HCRTR2: variants seen among roughly 807,000 people sequenced by gnomAD.
HCRTR2 encodes orexin receptor type 2.
HCRTR2 carries 22 observed loss-of-function variants against 49.0 expected under a neutral mutation model. The ratio of observed to expected loss-of-function variants is 0.45; its 90% CI spans 0.32 to 0.64. The LOEUF (loss-of-function observed/expected upper bound fraction) is 0.64, where lower values mean the gene tolerates loss of function less well. Ranked by LOEUF, HCRTR2 falls within the 30% of genes least tolerant of loss-of-function variation. The pLI, the probability that HCRTR2 is intolerant of heterozygous loss-of-function variation, is 0.04. For synonymous variants in HCRTR2, 236 were observed against 205.3 expected (o/e 1.15, Z -1.28); for missense variants, 491 against 559.4 (o/e 0.88, Z 1.23).
chr6:55,281,587 G>A (rs3800543), intron 6 of HCRTR2, among the ~76,000 whole-genome samples: 31,475 of 152,096 alleles, frequency 0.21, 3,760 homozygotes, highest in East Asian at 0.28. Flanking sequence ...GAAATGATTC[G>A]CAATACTGCC....
intron 1 of HCRTR2, among the ~76,000 whole-genome samples, chr6:55,247,361 C>A (rs925412709): frequency 6.6e-6 from 1 of 152,056 alleles, no homozygotes; most frequent in Non-Finnish European, 1.5e-5. Context: ...AGCTGACAGC[C>A]AATTTCAGCT....
intron 1 of HCRTR2, among the ~76,000 whole-genome samples, chr6:55,114,083 C>T (rs1273351464): frequency 2.0e-5 from 3 of 151,210 alleles, no homozygotes; most frequent in African/African-American, 7.3e-5. Flanking sequence ...AGTGAAAATG[C>T]AAAGGCATAA....
intron 1 of HCRTR2, among the ~76,000 whole-genome samples, chr6:55,155,457 A>G (rs1400855711): frequency 6.6e-6 from 1 of 152,020 alleles, no homozygotes; most frequent in Non-Finnish European, 1.5e-5. Flanking sequence ...AAGCCAACGG[A>G]GTCTAAATCA....
intron 1 of HCRTR2, among the ~76,000 whole-genome samples, chr6:55,107,006 TGTAAGTGA>T (rs1300509725): frequency 6.6e-6 from 1 of 152,166 alleles, no homozygotes; most frequent in Non-Finnish European, 1.5e-5. Flanking sequence ...CCAAGGTGAT[TGTAAGTGA>T]TTGCTATGAC....
intron 1 of HCRTR2, among the ~76,000 whole-genome samples, chr6:55,160,547 G>C (rs1764791370): frequency 1.3e-5 from 2 of 152,156 alleles, no homozygotes; most frequent in South Asian, 4.1e-4. Flanking sequence ...TGGCAAATTG[G>C]ATAGAGAGTC....
At chr6:55,260,454 G>A (rs1766733400) in intron 3 of HCRTR2, among the ~76,000 whole-genome samples, 1 of 152,140 alleles carries the variant, frequency 6.6e-6, no homozygotes, top group African/African-American at 2.4e-5. Flanking sequence ...ATGCTTGAAT[G>A]TTATCACTTT....
At chr6:55,201,734 A>G (rs1765516883) in intron 1 of HCRTR2, among the ~76,000 whole-genome samples, 1 of 152,162 alleles carries the variant, frequency 6.6e-6, no homozygotes, top group Non-Finnish European at 1.5e-5. Flanking sequence ...TATGACTGAT[A>G]CTCAACCTCT....
At chr6:55,127,848 A>C (rs1039450281) in intron 1 of HCRTR2, among the ~76,000 whole-genome samples, 3 of 152,116 alleles carry the variant, frequency 2.0e-5, no homozygotes, top group African/African-American at 7.2e-5. Flanking sequence ...ATAGTTTGTA[A>C]AATTTTTCTC....
intron 4 of HCRTR2, among the ~76,000 whole-genome samples, chr6:55,275,773 G>A (rs1767066306): frequency 6.6e-6 from 1 of 151,952 alleles, no homozygotes; most frequent in Non-Finnish European, 1.5e-5. Context: ...ACCACGCCCA[G>A]CTAATTTTGT....
At chr6:55,126,872 A>G (rs886715679) in intron 1 of HCRTR2, among the ~76,000 whole-genome samples, 4 of 152,088 alleles carry the variant, frequency 2.6e-5, no homozygotes, top group African/African-American at 9.7e-5. Context: ...CTGTGAGTGT[A>G]AAACTGCCTA....
In HCRTR2 at chr6:55,150,595, C is replaced by T. The variant is rs115556472; in HGVS notation, c.-377-23616C>T. Among the ~76,000 whole-genome samples the T allele has an allele frequency of 2.3e-3, 348 of 151,994 alleles. 3 individuals carry two copies. The highest frequency in any genetic ancestry group is 8.1e-3 in the African/African-American group (338 of 41,524). The stretch of plus-strand genomic sequence containing the variant: ...GTATAAGTGGGATAGGAGTATTTGT[C>T]TTTTTTATGTCTGGCTTATTTCCCT... On this transcript the variant is annotated intron_variant, in intron 1 of 7. Transcript: ENST00000615358.
At chr6:55,156,537 TG>T (rs1211799514) in intron 1 of HCRTR2, among the ~76,000 whole-genome samples, 1 of 151,686 alleles carries the variant, frequency 6.6e-6, no homozygotes, top group Non-Finnish European at 1.5e-5. Flanking sequence ...GCAAGACAAC[TG>T]TCTCTCTCTC....
intron 1 of HCRTR2, among the ~76,000 whole-genome samples, chr6:55,135,008 G>A (rs1764413976): frequency 1.3e-5 from 2 of 151,882 alleles, no homozygotes; most frequent in Non-Finnish European, 2.9e-5. Flanking sequence ...TAAAAACCAA[G>A]TCTTCTATTT....
chr6:55,121,507 C>T (rs1162580614), intron 1 of HCRTR2, among the ~76,000 whole-genome samples: 5 of 150,562 alleles, frequency 3.3e-5, no homozygotes, highest in Admixed American at 2.7e-4. Context: ...ACTTCCAACA[C>T]TATGTTGAGA....
At chr6:55,274,124 T>A (rs1767027345) in intron 4 of HCRTR2, among the ~76,000 whole-genome samples, 1 of 151,092 alleles carries the variant, frequency 6.6e-6, no homozygotes, top group African/African-American at 2.4e-5. Context: ...ACTCTATAGA[T>A]CAATTTGGGG....
At position 55,163,153 on chromosome 6, in the gene HCRTR2, C is replaced by T. The variant is rs182858500; in HGVS notation, c.-377-11058C>T. Among the ~76,000 whole-genome samples, 956 of 152,004 alleles carry T rather than the reference C, an allele frequency of 6.3e-3. 8 individuals carry two copies. The highest frequency in any genetic ancestry group is 0.02 in the African/African-American group (829 of 41,440). ...TGGAGAGGCTGAGGCAGGAGAATGG[C>T]GTGAACCCAGGAGACGGAGCTTGCA... On this transcript the variant is annotated intron_variant, in intron 1 of 7. Coordinates refer to the HCRTR2 transcript ENST00000615358.
At chr6:55,268,591 T>G (rs74398974) in intron 4 of HCRTR2, among the ~76,000 whole-genome samples, 4,144 of 152,070 alleles carry the variant, frequency 0.027, 207 homozygotes, top group African/African-American at 0.092. Flanking sequence ...CAAAATAAAT[T>G]TTAACAAAAT....
chr6:55,198,783 A>C (rs1454184083), intron 1 of HCRTR2, among the ~76,000 whole-genome samples: 2 of 152,208 alleles, frequency 1.3e-5, no homozygotes, highest in African/African-American at 2.4e-5. Context: ...CAAGGAACAG[A>C]AGAATTCAGT....
At chr6:55,125,131 A>G (rs527646692) in intron 1 of HCRTR2, among the ~76,000 whole-genome samples, 1 of 152,234 alleles carries the variant, frequency 6.6e-6, no homozygotes, top group East Asian at 1.9e-4. Flanking sequence ...TAATATTGTT[A>G]TGTGTGAATT....
Sources: gnomAD v4.1 joint callset for allele counts (sites outside exome capture counted in the v4.1 genomes callset) on GRCh38, gnomAD v4.1.1 for gene constraint, MANE v1.5 for transcripts, NCBI Gene and HGNC (gene_info 2026-07-23, HGNC 2026-07-21) for gene names.